Variants in ZBTB20 observed in about 807,000 individuals in gnomAD.
ZBTB20 encodes zinc finger and BTB domain-containing protein 20.
Under a neutral mutation model 56.9 loss-of-function variants are expected in ZBTB20, and 9 were observed. The ratio of observed to expected loss-of-function variants is 0.16; its 90% CI spans 0.10 to 0.28. ZBTB20 has a LOEUF of 0.28. Among genes scored for constraint, ZBTB20 ranks in the 10% least tolerant of loss-of-function variants. The pLI, the probability that ZBTB20 is intolerant of heterozygous loss-of-function variation, is 1.00. For synonymous variants in ZBTB20, 417 were observed against 420.7 expected, an observed-to-expected ratio of 0.99 and a Z score of 0.11; for missense variants, 655 against 1,003.0, an observed-to-expected ratio of 0.65 and a Z score of 4.69.
chr3:114,779,888 A>G (rs2069939396), intron 5 of ZBTB20, among the ~76,000 whole-genome samples: 2 of 152,194 alleles, frequency 1.3e-5, no homozygotes. Flanking sequence ...AAATTTTCCA[A>G]TAAACACCCC....
chr3:114,634,188 G>C (rs1317883243), intron 6 of ZBTB20, among the ~76,000 whole-genome samples: 1 of 152,096 alleles, frequency 6.6e-6, no homozygotes, highest in Non-Finnish European at 1.5e-5. Flanking sequence ...ACTTAACTAA[G>C]TCCAATACTA....
intron 7 of ZBTB20, among the ~76,000 whole-genome samples, chr3:114,406,036 T>A (rs552126128): frequency 4.6e-5 from 7 of 150,820 alleles, no homozygotes; most frequent in Non-Finnish European, 1.0e-4. Flanking sequence ...ACATGCCAAG[T>A]AGAAACACTG....
chr3:115,015,080 G>A (rs79188385), intron 2 of ZBTB20, among the ~76,000 whole-genome samples: 2 of 151,806 alleles, frequency 1.3e-5, no homozygotes, highest in Non-Finnish European at 2.9e-5. Context: ...CTTACTTGCT[G>A]TGTGGTGGGT....
intron 6 of ZBTB20, among the ~76,000 whole-genome samples, chr3:114,606,248 ACT>A: frequency 6.6e-6 from 1 of 152,022 alleles, no homozygotes; most frequent in Non-Finnish European, 1.5e-5. Flanking sequence ...CCTGTAATCA[ACT>A]CTGATTAGTG....
Position 114,425,885 on chromosome 3 carries a change from C to T in ZBTB20, c.-254-36780G>A, listed in dbSNP as rs528367370. Among the ~76,000 whole-genome samples, 11 of 152,322 alleles carry T rather than the reference C, an allele frequency of 7.2e-5. No homozygotes were observed. The East Asian group carries it at 1.2e-3, about 16-fold the overall frequency. ...CCACAGTCTAATATATCCAATGCCT[C>T]AATCTTCTGCTAAACGTTCACATTT... On this transcript the variant is annotated intron_variant, in intron 7 of 11. Coordinates refer to ENST00000675478, the MANE Select transcript of ZBTB20 (RefSeq NM_001348800.3).
intron 2 of ZBTB20, among the ~76,000 whole-genome samples, chr3:115,049,309 G>A (rs548080802): frequency 6.6e-6 from 1 of 152,142 alleles, no homozygotes; most frequent in Admixed American, 6.5e-5. Context: ...AGGAGTATCT[G>A]GTGGTTACTT....
intron 6 of ZBTB20, among the ~76,000 whole-genome samples, chr3:114,677,994 C>A (rs1414241624): frequency 6.6e-6 from 1 of 152,036 alleles, no homozygotes; most frequent in Non-Finnish European, 1.5e-5. Flanking sequence ...GAGTATATTT[C>A]TTTTTCATAC....
At chr3:114,820,839 G>C (rs1028626784) in intron 4 of ZBTB20, among the ~76,000 whole-genome samples, 1 of 152,004 alleles carries the variant, frequency 6.6e-6, no homozygotes, top group Admixed American at 6.6e-5. Flanking sequence ...TTTGACTACA[G>C]CATTCACCCA....
intron 5 of ZBTB20, among the ~76,000 whole-genome samples, chr3:114,749,062 T>C (rs1578683557): frequency 6.6e-6 from 1 of 152,310 alleles, no homozygotes; most frequent in African/African-American, 2.4e-5. Flanking sequence ...CAGGAATGCC[T>C]AGTACATAAG....
chr3:114,338,964 G>A lies in ZBTB20; in HGVS notation c.*41C>T. ...CTTTTTTGTTTGTTTGTTTTTTGTT[G>A]TTGTTTTGTTTTGTTCATAAGAAAG... On this transcript the variant is annotated 3_prime_UTR_variant, in exon 12 of 12. Transcript: ENST00000675478. 6.9e-7 allele frequency: 1 copy of A among 1,455,742 alleles called. No homozygotes were observed. Among genetic ancestry groups the A allele is most frequent in the Non-Finnish European group, 9.1e-7 (1 of 1,098,320 alleles). 90.2% of individuals were successfully genotyped at this position (1,455,742 alleles called of 1,614,324 possible). A position where few individuals can be genotyped will look rare whatever the true frequency, so the allele number is the denominator to read the frequency against.
chr3:115,089,654 T>C (rs2083115111), intron 1 of ZBTB20, among the ~76,000 whole-genome samples: 1 of 151,856 alleles, frequency 6.6e-6, no homozygotes, highest in Admixed American at 6.6e-5. Flanking sequence ...GACTAAATCT[T>C]GGCTTTGACT....
intron 3 of ZBTB20, among the ~76,000 whole-genome samples, chr3:114,923,246 C>T (rs949807252): frequency 2.0e-5 from 3 of 152,112 alleles, no homozygotes; most frequent in Non-Finnish European, 2.9e-5. Context: ...TTTGGAACCA[C>T]AAAAGATCAC....
intron 6 of ZBTB20, among the ~76,000 whole-genome samples, chr3:114,613,845 G>C (rs993148069): frequency 2.0e-5 from 3 of 152,100 alleles, no homozygotes; most frequent in Non-Finnish European, 4.4e-5. Context: ...GTGATGATGA[G>C]GAGGATGATA....
At chr3:115,070,924 G>A (rs1196647894) in intron 2 of ZBTB20, among the ~76,000 whole-genome samples, 1 of 151,318 alleles carries the variant, frequency 6.6e-6, no homozygotes, top group Non-Finnish European at 1.5e-5. Context: ...GTTCAGGTTC[G>A]GGCAGTTACT....
At chr3:114,587,622 C>T (rs940450052) in intron 6 of ZBTB20, among the ~76,000 whole-genome samples, 3 of 152,158 alleles carry the variant, frequency 2.0e-5, no homozygotes, top group Non-Finnish European at 4.4e-5. Context: ...GATGTGAGAA[C>T]TAAAATGTAG....
chr3:115,020,106 C>T (rs903164120), intron 2 of ZBTB20, among the ~76,000 whole-genome samples: 3 of 151,126 alleles, frequency 2.0e-5, no homozygotes, highest in Non-Finnish European at 4.5e-5. Context: ...CACAACTCTG[C>T]GTAGGATTAG....
chr3:114,353,037 G>C (rs1319537435), intron 10 of ZBTB20, among the ~76,000 whole-genome samples: 1 of 152,192 alleles, frequency 6.6e-6, no homozygotes, highest in African/African-American at 2.4e-5. Flanking sequence ...AAGAAAACAG[G>C]TGGCTACAGC....
intron 1 of ZBTB20, among the ~76,000 whole-genome samples, chr3:115,129,259 G>A (rs1200452051): frequency 6.6e-6 from 1 of 151,988 alleles, no homozygotes; most frequent in African/African-American, 2.4e-5. Context: ...TTTTAAAATG[G>A]AGACATACTT....
At chr3:115,027,535 T>C (rs2080475398) in intron 2 of ZBTB20, 1 of 150,994 alleles carries the variant, frequency 6.6e-6, no homozygotes, top group Non-Finnish European at 1.5e-5. Flanking sequence ...CAAAGGCTTC[T>C]TGACTATATC....
Sources: allele counts gnomAD v4.1 joint callset (sites outside exome capture counted in the v4.1 genomes callset), GRCh38; gene constraint gnomAD v4.1.1; transcripts MANE v1.5; gene names NCBI Gene and HGNC (gene_info 2026-07-23, HGNC 2026-07-21).